The following CHD8 variants were observed in gnomAD, a reference collection of about 807,000 sequenced individuals.
The protein encoded by CHD8 is chromodomain helicase DNA binding protein 8.
CHD8 carries 31 observed loss-of-function variants against 279.2 expected under a neutral mutation model. That is an observed-to-expected ratio of 0.11 (90% CI 0.08 to 0.15). The LOEUF (loss-of-function observed/expected upper bound fraction) is 0.15. Ranked by LOEUF, CHD8 falls within the 10% of genes least tolerant of loss-of-function variation. The pLI is 1.00. For missense variants in CHD8, 2,146 were observed against 3,230.5 expected, an observed-to-expected ratio of 0.66 and a Z score of 8.14; for synonymous variants, 1,081 against 1,139.6, an observed-to-expected ratio of 0.95 and a Z score of 1.04.
rs542520732 is a variant in CHD8 at position 21,443,316 on chromosome 14, G to A, written c.-215-11458C>T. On this transcript the variant is annotated intron_variant, in intron 1 of 37. Transcript: ENST00000646647. Reference sequence around the variant, plus strand: ...TGAGGCAGGAGAATGGCGTGAACCCGGGAGGTGGAGCTTGCAGTGAGCCGA... The same window carrying A: ...TGAGGCAGGAGAATGGCGTGAACCCAGGAGGTGGAGCTTGCAGTGAGCCGA... Among the ~76,000 whole-genome samples, 523 of 152,078 alleles carry A rather than the reference G, an allele frequency of 3.4e-3. 4 individuals are homozygous for A. The highest frequency in any genetic ancestry group is 3.5e-3 in the Non-Finnish European group (241 of 67,966).
rs757770866 is a variant in CHD8 at position 21,431,124 on chromosome 14, G to A, written c.520C>T (p.His174Tyr). The A allele has an allele frequency of 6.3e-7, 1 of 1,598,994 alleles. No homozygotes were observed. Among genetic ancestry groups the A allele is most frequent in the Non-Finnish European group, 8.5e-7 (1 of 1,179,560 alleles). The stretch of plus-strand genomic sequence containing the variant: ...CCTTGGGCCTGAATTTGTGCCACAT[G>A]GGCACCAGTGACTGAGGAGCTTGGT... Reference protein sequence around the residue: ...APPSSSVTGAHVAQIQAQGIT... With the variant: ...APPSSSVTGAYVAQIQAQGIT... Residue 174 changes from histidine (H) to tyrosine (Y), a missense_variant, in exon 2 of 38, where the codon CAT becomes TAT. His to Tyr is a moderately conservative substitution (Grantham distance 83). This residue lies in a region of CHD8 where 302 missense variants were observed against 325.5 expected (regional missense o/e 0.93). Transcript: ENST00000646647.
chr14:21,405,121 C>A lies in CHD8; in HGVS notation c.3307+88G>T. On this transcript the variant is annotated intron_variant, in intron 16 of 37. Coordinates refer to ENST00000646647, the MANE Select transcript of CHD8 (RefSeq NM_001170629.2). This position sits in a 1 kb window ranked among gnomAD's most constrained non-coding sequence, Gnocchi z 4.2. ...GCACCCCAAATTAGGTTGGTTGAGT[C>A]AATGCATCCATTGTCCCCAAGGAGA... 7.4e-7 allele frequency: 1 copy of A among 1,351,888 alleles called. No homozygotes were observed. The highest frequency in any genetic ancestry group is 1.0e-6 in the Non-Finnish European group (1 of 972,706). The allele number at this position is 1,351,888 out of a possible 1,614,324, so 83.7% of individuals were successfully genotyped here. A position where few individuals can be genotyped will look rare whatever the true frequency, so the allele number is the denominator to read the frequency against.
rs781562444 is a variant in CHD8 at position 21,402,543 on chromosome 14, C to A, written c.3715-40G>T. ...AAACGAAAGGAAAGGAGAAAGATAT[C>A]ATAAAATTAGCAAGGGAAAGGATAC... On this transcript the variant is annotated intron_variant, in intron 18 of 37. Transcript: ENST00000646647. This position sits in a 1 kb window ranked among gnomAD's most constrained non-coding sequence, Gnocchi z 4.5. 2.8e-5 allele frequency: 43 copies of A among 1,531,834 alleles called. No homozygotes were observed. The highest frequency in any genetic ancestry group is 4.3e-5 in the Admixed American group (2 of 46,808). The allele number at this position is 1,531,834 out of a possible 1,614,324, so 94.9% of individuals were successfully genotyped here. A position where few individuals can be genotyped will look rare whatever the true frequency, so the allele number is the denominator to read the frequency against.
At chr14:21,440,195 T>A (rs1889920380) in intron 1 of CHD8, among the ~76,000 whole-genome samples, 2 of 152,080 alleles carry the variant, frequency 1.3e-5, no homozygotes, top group Admixed American at 6.6e-5. Flanking sequence ...TAAAGTAGTT[T>A]CTCTTTTTTG....
chr14:21,417,124 CACCCA>C (rs1888758448), intron 5 of CHD8, among the ~76,000 whole-genome samples: 1 of 152,084 alleles, frequency 6.6e-6, no homozygotes, highest in Admixed American at 6.5e-5. Flanking sequence ...ATTTTTGTTT[CACCCA>C]ACAGACTGGC....
At chr14:21,395,949 G>T in intron 27 of CHD8, 57 bp from the exon 28 acceptor site, 1 of 1,143,912 alleles carries the variant, frequency 8.7e-7, no homozygotes, top group Non-Finnish European at 1.3e-6. Context: ...ATCACTAAGG[G>T]AACCTAGGAT....
At chr14:21,450,190 G>A (rs952410225) in intron 1 of CHD8, among the ~76,000 whole-genome samples, 2 of 152,146 alleles carry the variant, frequency 1.3e-5, no homozygotes, top group African/African-American at 4.8e-5. Context: ...CATTAGTGCT[G>A]TTTACTTAGA....
rs377104766 is a variant in CHD8 at position 21,395,868 on chromosome 14, T to G, written c.5076A>C (p.Glu1692Asp). The part of the protein sequence containing the change: ...VEGVDFDKDC[E>D]DPEYKPLQGP... ...CTTGGAGTGGTTTATATTCAGGATCTTCACAATCTTTATCAAAGTCAACCC... is the reference window on the plus strand; with the variant it reads ...CTTGGAGTGGTTTATATTCAGGATCGTCACAATCTTTATCAAAGTCAACCC... Residue 1692 changes from glutamate (E) to aspartate (D), a missense_variant, in exon 28 of 38, where the codon GAA (glutamate) becomes GAC (aspartate). This residue lies in a region of CHD8 where 75 missense variants were observed against 81.3 expected (regional missense o/e 0.92). Transcript: ENST00000646647. The G allele has an allele frequency of 8.7e-6, 14 of 1,611,768 alleles. No individual in the cohort carries two copies. Among genetic ancestry groups the G allele is most frequent in the Non-Finnish European group, 1.2e-5 (14 of 1,178,050 alleles).
At chr14:21,437,181 G>A in intron 1 of CHD8, 3 of 1,160,558 alleles carry the variant, frequency 2.6e-6, no homozygotes, top group Non-Finnish European at 3.3e-6. Context: ...GTGGAGGAGA[G>A]AGGTGGCTTT....
chr14:21,432,656 G>A (rs1457106921), intron 1 of CHD8, among the ~76,000 whole-genome samples: 2 of 152,016 alleles, frequency 1.3e-5, no homozygotes. Flanking sequence ...TTTCTGCCTG[G>A]AACACGTCCT....
chr14:21,403,981 T>C lies in CHD8; in HGVS notation c.3308-318A>G, dbSNP rs1888146647. On this transcript the variant is annotated intron_variant, in intron 16 of 37. Coordinates refer to ENST00000646647, the MANE Select transcript of CHD8 (RefSeq NM_001170629.2). This position sits in a 1 kb window ranked among gnomAD's most constrained non-coding sequence, Gnocchi z 4.3. Reference sequence around the variant, plus strand: ...AGGTGTGGTGGCGGAGGCCTGTAGTTCCAGCTACTCAGGAGGCTGAGGCAG... The same window carrying C: ...AGGTGTGGTGGCGGAGGCCTGTAGTCCCAGCTACTCAGGAGGCTGAGGCAG... 6.6e-6 allele frequency among the ~76,000 whole-genome samples: 1 copy of C among 151,874 alleles called. No homozygotes were observed. The highest frequency in any genetic ancestry group is 2.4e-5 in the African/African-American group (1 of 41,352).
At chr14:21,401,535 G>C in intron 20 of CHD8, 22 bp from the exon 21 acceptor site, 9 of 1,387,832 alleles carry the variant, frequency 6.5e-6, no homozygotes, top group Non-Finnish European at 8.6e-6. Context: ...CAAATGCAGA[G>C]GTAAAGCTGA....
intron 37 of CHD8, among the ~76,000 whole-genome samples, chr14:21,390,095 G>A (rs949949975): frequency 6.6e-5 from 10 of 152,136 alleles, no homozygotes; most frequent in Admixed American, 5.9e-4. Context: ...AATTAGCCTG[G>A]CCTGGTGGTG....
chr14:21,403,720 G>A lies in CHD8; in HGVS notation c.3308-57C>T. The A allele has an allele frequency of 7.2e-7, 1 of 1,397,762 alleles. No homozygotes were observed. Among genetic ancestry groups the A allele is most frequent in the Non-Finnish European group, 9.9e-7 (1 of 1,009,218 alleles). The allele number at this position is 1,397,762 out of a possible 1,614,324, so 86.6% of individuals were successfully genotyped here. A position where few individuals can be genotyped will look rare whatever the true frequency, so the allele number is the denominator to read the frequency against. ...TCCAGTGAACCATATTAAGGTTGTA[G>A]TCTATTTAACTAAGAAAGCAAAAGG... is the stretch of plus-strand genomic sequence containing the variant. On this transcript the variant is annotated intron_variant, in intron 16 of 37. Transcript: ENST00000646647. This position sits in a 1 kb window ranked among gnomAD's most constrained non-coding sequence, Gnocchi z 4.3.
Position 21,408,052 on chromosome 14 carries a change from A to G in CHD8, c.2730+260T>C, listed in dbSNP as rs1888328261. Among the ~76,000 whole-genome samples the G allele has an allele frequency of 1.3e-5, 2 of 152,202 alleles. No homozygotes were observed. Among genetic ancestry groups the G allele is most frequent in the Non-Finnish European group, 2.9e-5 (2 of 68,034 alleles). The stretch of plus-strand genomic sequence containing the variant: ...TGATTAAAATTCATTGATGCTGACA[A>G]AATTCTACTTAAAATGTGTATGTTC... On this transcript the variant is annotated intron_variant, in intron 13 of 37. Coordinates refer to ENST00000646647, the MANE Select transcript of CHD8 (RefSeq NM_001170629.2). This position sits in a 1 kb window ranked among gnomAD's most constrained non-coding sequence, Gnocchi z 4.3.
chr14:21,425,007 A>G (rs1026480774), intron 5 of CHD8, among the ~76,000 whole-genome samples: 4 of 152,194 alleles, frequency 2.6e-5, no homozygotes, highest in Admixed American at 2.0e-4. Flanking sequence ...GATTTTTTCT[A>G]TGGTTGGAAA....
intron 1 of CHD8, among the ~76,000 whole-genome samples, chr14:21,452,468 A>C (rs1594398229): frequency 6.6e-6 from 1 of 150,976 alleles, no homozygotes; most frequent in African/African-American, 2.4e-5. Context: ...ACATGGTGAA[A>C]CCCTGTCTCT....
chr14:21,446,002 A>G (rs1890110122), intron 1 of CHD8, among the ~76,000 whole-genome samples: 1 of 151,874 alleles, frequency 6.6e-6, no homozygotes, highest in South Asian at 2.1e-4. Flanking sequence ...CCGTCTCAAA[A>G]AAAAGATGGT....
intron 5 of CHD8, among the ~76,000 whole-genome samples, chr14:21,418,958 G>C (rs1277180838): frequency 1.3e-5 from 2 of 152,218 alleles, no homozygotes; most frequent in Non-Finnish European, 2.9e-5. Flanking sequence ...GAACTTACTG[G>C]GGTGATGGAA....
Sources: allele counts gnomAD v4.1 joint callset (sites outside exome capture counted in the v4.1 genomes callset), GRCh38; gene constraint gnomAD v4.1.1; regional missense constraint gnomAD v4.1.1; non-coding constraint Gnocchi (gnomAD v3.1); transcripts MANE v1.5; gene names NCBI Gene and HGNC (gene_info 2026-07-23, HGNC 2026-07-21).